CD80: variants seen among roughly 807,000 people sequenced by gnomAD.
CD80 encodes T-lymphocyte activation antigen CD80.
Under a neutral mutation model 27.1 loss-of-function variants are expected in CD80, and 13 were observed. The ratio of observed to expected loss-of-function variants is 0.48; its 90% confidence interval spans 0.31 to 0.76. CD80 has a LOEUF of 0.76. Among genes scored for constraint, CD80 ranks in the 30% least tolerant of loss-of-function variants. CD80 has a pLI of 0.04. For synonymous variants in CD80, 125 were observed against 125.5 expected (o/e 1.00, Z 0.03); for missense variants, 277 against 347.9 (o/e 0.80, Z 1.62).
rs1365912206 is a variant in CD80, at chr3:119,525,213, T to C, written c.*575A>G. On this transcript the variant is annotated 3_prime_UTR_variant, in exon 7 of 7. Transcript: ENST00000264246. ...GAATACTGGGTAAACACCAATAATA[T>C]TTCCATTAGTCTCCTAAAGATGTTC... 2 of 152,208 alleles carry C rather than the reference T, an allele frequency of 1.3e-5. No individual in the cohort carries two copies. The highest frequency in any genetic ancestry group is 2.9e-5 in the Non-Finnish European group (2 of 68,030). The allele number at this position is 152,208 out of a possible 1,614,324, so 9.4% of individuals were successfully genotyped here. A position where few individuals can be genotyped will look rare whatever the true frequency, so the allele number is the denominator to read the frequency against.
chr3:119,557,481 A>T (rs1388685435), intron 2 of CD80, 148 bp downstream of exon 2: 8 of 488,092 alleles, frequency 1.6e-5, no homozygotes, highest in Non-Finnish European at 2.5e-5. Context: ...TTTGGACCAC[A>T]GTCTTCTAAT....
chr3:119,553,536 C>T (rs1264693746), intron 2 of CD80, among the ~76,000 whole-genome samples: 1 of 152,204 alleles, frequency 6.6e-6, no homozygotes, highest in African/African-American at 2.4e-5. Context: ...GTCTTCCCCA[C>T]CCTCTCCGTG....
chr3:119,559,594 C>A lies in CD80; in HGVS notation c.-355G>T, dbSNP rs529207546. ...GAGGCGACATTTCCCCTTCTAACTT[C>A]TGTTACTTTACAGAGGGTTTGAGTT... On this transcript the variant is annotated 5_prime_UTR_variant, in exon 1 of 7. Coordinates refer to ENST00000264246, the MANE Select transcript of CD80 (RefSeq NM_005191.4). The A allele has an allele frequency of 6.6e-6, 1 of 152,190 alleles. No homozygotes were observed. Among genetic ancestry groups the A allele is most frequent in the Admixed American group, 6.5e-5 (1 of 15,272 alleles). 9.4% of individuals were successfully genotyped at this position (152,190 alleles called of 1,614,324 possible).
chr3:119,537,461 C>A (rs112552070), intron 3 of CD80, 43 bp from the exon 4 acceptor site: 2 of 1,339,270 alleles, frequency 1.5e-6, no homozygotes, highest in South Asian at 2.5e-5. Context: ...TAGTTACAAA[C>A]CTATGTGTGT....
intron 2 of CD80, among the ~76,000 whole-genome samples, chr3:119,551,533 T>C (rs901148520): frequency 3.3e-5 from 5 of 152,152 alleles, no homozygotes; most frequent in Admixed American, 6.5e-5. Flanking sequence ...TTCTATCCTC[T>C]GCCATGGGAT....
At chr3:119,537,983 G>C (rs1469835028) in intron 3 of CD80, among the ~76,000 whole-genome samples, 1 of 152,174 alleles carries the variant, frequency 6.6e-6, no homozygotes, top group Non-Finnish European at 1.5e-5. Context: ...AGGTTCGTGT[G>C]AATAAATGTT....
At chr3:119,554,418 A>G (rs1460787460) in intron 2 of CD80, among the ~76,000 whole-genome samples, 1 of 152,096 alleles carries the variant, frequency 6.6e-6, no homozygotes, top group Non-Finnish European at 1.5e-5. Flanking sequence ...TCCAGCTCTG[A>G]AGGAAAAGCT....
chr3:119,531,320 G>A (rs1182459100), intron 4 of CD80, among the ~76,000 whole-genome samples: 1 of 152,204 alleles, frequency 6.6e-6, no homozygotes, highest in Non-Finnish European at 1.5e-5. Context: ...ATATTTCTGA[G>A]CAAATTTAGA....
Position 119,531,406 on chromosome 3 carries a change from G to A in CD80, c.701-1469C>T, listed in dbSNP as rs780520729. Among the ~76,000 whole-genome samples the A allele has an allele frequency of 4.6e-5, 7 of 152,322 alleles. No individual in the cohort carries two copies. The East Asian group carries it at 9.6e-4, about 21-fold the overall frequency. ...TGCCCAGCCTCTCGCCATGTTAAGC[G>A]TGCCAGCACCCTGGCCATAACCATA... On this transcript the variant is annotated intron_variant, in intron 4 of 6. Transcript: ENST00000264246.
chr3:119,528,136 A>G (rs1439862315), intron 5 of CD80, among the ~76,000 whole-genome samples: 1 of 152,162 alleles, frequency 6.6e-6, no homozygotes, highest in Non-Finnish European at 1.5e-5. Context: ...CTCCAAAACA[A>G]AGAATTATCT....
At chr3:119,557,242 C>A (rs917346605) in intron 2 of CD80, among the ~76,000 whole-genome samples, 1 of 152,156 alleles carries the variant, frequency 6.6e-6, no homozygotes, top group Non-Finnish European at 1.5e-5. Context: ...AGGACACTTT[C>A]GCTGAGCTGT....
At chr3:119,552,913 T>A (rs9829004) in intron 2 of CD80, among the ~76,000 whole-genome samples, 18,174 of 151,862 alleles carry the variant, frequency 0.12, 3,559 homozygotes, top group African/African-American at 0.41. Flanking sequence ...GGCAAATTCA[T>A]AGAGACAGAG....
At chr3:119,527,873 A>C in intron 5 of CD80, 32 bp from the exon 6 acceptor site, 2 of 1,581,030 alleles carry the variant, frequency 1.3e-6, no homozygotes, top group Non-Finnish European at 1.7e-6. Flanking sequence ...TAAAAATGAT[A>C]AGTAAGTTTC....
In CD80 at chr3:119,535,234, A is replaced by C. The variant is rs796417488; in HGVS notation, c.700+1903T>G. 2.4e-4 allele frequency among the ~76,000 whole-genome samples: 36 copies of C among 152,238 alleles called. 1 individual carries two copies. The highest frequency in any genetic ancestry group is 8.7e-4 in the African/African-American group (36 of 41,544). ...TCTGCTGTAACACTGAAAGATCTAG[A>C]GTAAATCATACACTAGCATGAATTA... On this transcript the variant is annotated intron_variant, in intron 4 of 6. Transcript: ENST00000264246.
At chr3:119,539,292 T>C (rs1033062663) in intron 3 of CD80, among the ~76,000 whole-genome samples, 2 of 152,186 alleles carry the variant, frequency 1.3e-5, no homozygotes, top group African/African-American at 4.8e-5. Context: ...ATTTATGACT[T>C]CTTGGTGTTC....
At chr3:119,527,021 C>T (rs2082070961) in intron 6 of CD80, among the ~76,000 whole-genome samples, 1 of 152,184 alleles carries the variant, frequency 6.6e-6, no homozygotes, top group South Asian at 2.1e-4. Flanking sequence ...ACAGGATGGA[C>T]ATTCCAGACC....
At chr3:119,558,618 C>T (rs1452043668) in intron 1 of CD80, among the ~76,000 whole-genome samples, 1 of 152,006 alleles carries the variant, frequency 6.6e-6, no homozygotes, top group Non-Finnish European at 1.5e-5. Flanking sequence ...CAAAAATTAG[C>T]CAGGTGTGGT....
chr3:119,525,185 A>G lies in CD80; in HGVS notation c.*603T>C, dbSNP rs1337203493. On this transcript the variant is annotated 3_prime_UTR_variant, in exon 7 of 7. Transcript: ENST00000264246. ...AGCAATAGAGAACACAATGAAAAAAATGGAATACTGGGTAAACACCAATAA... is the reference window on the plus strand; with the variant it reads ...AGCAATAGAGAACACAATGAAAAAAGTGGAATACTGGGTAAACACCAATAA... 1 of 152,204 alleles carries G rather than the reference A, an allele frequency of 6.6e-6. No homozygotes were observed. Among genetic ancestry groups the G allele is most frequent in the Non-Finnish European group, 1.5e-5 (1 of 68,036 alleles). The allele number at this position is 152,204 out of a possible 1,614,324, so 9.4% of individuals were successfully genotyped here.
intron 2 of CD80, among the ~76,000 whole-genome samples, chr3:119,556,326 C>CT (rs1577114553): frequency 6.6e-6 from 1 of 152,058 alleles, no homozygotes; most frequent in Non-Finnish European, 1.5e-5. Flanking sequence ...TCCTCTTTTA[C>CT]TTTTTTTATT....
Sources: allele counts gnomAD v4.1 joint callset (sites outside exome capture counted in the v4.1 genomes callset), GRCh38; gene constraint gnomAD v4.1.1; transcripts MANE v1.5; gene names NCBI Gene and HGNC (gene_info 2026-07-23, HGNC 2026-07-21).